CEP164: variants seen among roughly 807,000 people sequenced by gnomAD.
CEP164 encodes the protein centrosomal protein 164.
A neutral mutation model predicts 182.7 loss-of-function variants in CEP164; 162 were observed. That is an observed-to-expected ratio of 0.89 (90% CI 0.78 to 1.01). The LOEUF is 1.01. Ranked by LOEUF, CEP164 falls within the 50% of genes least tolerant of loss-of-function variation. The pLI is 0.00. For missense variants in CEP164, 1,735 were observed against 1,790.4 expected (o/e 0.97, Z 0.56); for synonymous variants, 661 against 690.0 (o/e 0.96, Z 0.66).
chr11:117,322,208 C>T (rs543370901), intron 1 of CEP164, among the ~76,000 whole-genome samples: 1 of 152,208 alleles, frequency 6.6e-6, no homozygotes, highest in South Asian at 2.1e-4. Context: ...CTCCACCTCC[C>T]AGGTTCAAGG....
intron 3 of CEP164, among the ~76,000 whole-genome samples, chr11:117,339,522 G>GTTTTTTTT (rs61258101): frequency 4.3e-4 from 24 of 56,184 alleles, no homozygotes; most frequent in South Asian, 8.1e-4. Context: ...TTTGTTTTTT[G>GTTTTTTTT]TTTTTTTTTT....
At chr11:117,335,158 T>C (rs746395040) in intron 1 of CEP164, among the ~76,000 whole-genome samples, 6 of 152,206 alleles carry the variant, frequency 3.9e-5, no homozygotes, top group Non-Finnish European at 8.8e-5. Context: ...CTCAGCTTTT[T>C]AGTCAGCAGT....
chr11:117,333,444 C>T (rs961396748), intron 1 of CEP164, among the ~76,000 whole-genome samples: 64 of 152,350 alleles, frequency 4.2e-4, no homozygotes, highest in African/African-American at 1.5e-3. Context: ...TCTTTCCAAT[C>T]TGGCCTCCGC....
At position 117,371,093 on chromosome 11, in the gene CEP164, C is replaced by A. The variant is rs776372232; in HGVS notation, c.779C>A (p.Thr260Lys). 41 of 1,595,292 alleles carry A rather than the reference C, an allele frequency of 2.6e-5. No individual in the cohort carries two copies. Among genetic ancestry groups the A allele is most frequent in the African/African-American group, 8.1e-5 (6 of 74,228 alleles). The change falls in exon 9 of 33, where the codon ACA becomes AAA. Residue 260 changes from threonine to lysine, a missense_variant. Transcript: ENST00000278935. ...GTTGCTCCCTAGGAGTCTCTGAGAACAAGCCAGCCAGAGGAGAAGAAGGAT... is the reference window on the plus strand; with the variant it reads ...GTTGCTCCCTAGGAGTCTCTGAGAAAAAGCCAGCCAGAGGAGAAGAAGGAT... ...GDFEYEESLR[T>K]SQPEEKKDVS... is the part of the protein sequence containing the mutation.
At chr11:117,336,649 A>C in intron 2 of CEP164, 1 of 1,054,422 alleles carries the variant, frequency 9.5e-7, no homozygotes, top group Non-Finnish European at 1.5e-6. Flanking sequence ...TGTGTCCTCC[A>C]GCCTTTCCAC....
At chr11:117,330,948 C>G (rs536169055) in intron 1 of CEP164, among the ~76,000 whole-genome samples, 7 of 152,198 alleles carry the variant, frequency 4.6e-5, no homozygotes, top group Non-Finnish European at 8.8e-5. Context: ...GGATTGAAAG[C>G]CAAGAATGTT....
At chr11:117,336,804 T>C (rs1031740018) in intron 2 of CEP164, among the ~76,000 whole-genome samples, 43 of 151,950 alleles carry the variant, frequency 2.8e-4, no homozygotes, top group African/African-American at 1.0e-3. Context: ...AGGTCAGGAC[T>C]TGTGGCTCCA....
At chr11:117,352,921 A>C (rs1054015098) in intron 5 of CEP164, among the ~76,000 whole-genome samples, 13 of 152,174 alleles carry the variant, frequency 8.5e-5, no homozygotes, top group African/African-American at 2.9e-4. Context: ...TTTGTATTTC[A>C]GTTCAAAGTG....
At chr11:117,376,491 A>G (rs545159159) in intron 11 of CEP164, among the ~76,000 whole-genome samples, 1 of 152,362 alleles carries the variant, frequency 6.6e-6, no homozygotes, top group East Asian at 1.9e-4. Flanking sequence ...TGGATTGGTT[A>G]GAAGAGCAGT....
Position 117,365,095 on chromosome 11 carries a change from G to A in CEP164, c.765+1589G>A, listed in dbSNP as rs2041467330. 2.0e-5 allele frequency among the ~76,000 whole-genome samples: 3 copies of A among 152,208 alleles called. No homozygotes were observed. In the South Asian group the frequency reaches 6.2e-4, roughly 32 times the overall value. On this transcript the variant is annotated intron_variant, in intron 8 of 32. Coordinates refer to ENST00000278935, the MANE Select transcript of CEP164 (RefSeq NM_014956.5). ...AGTAAGACCTATATTGATCAAAGGA[G>A]ATGCTCAGGCTTTGTGCCTAGAAGG... is the stretch of plus-strand genomic sequence containing the variant.
chr11:117,379,029 AG>A (rs1250074838), intron 11 of CEP164, among the ~76,000 whole-genome samples: 1 of 152,078 alleles, frequency 6.6e-6, no homozygotes, highest in Non-Finnish European at 1.5e-5. Context: ...CAGGTGAGAG[AG>A]GGAGATATTT....
chr11:117,409,884 G>C lies in CEP164; in HGVS notation c.4015G>C (p.Gly1339Arg). 1.2e-6 allele frequency: 2 copies of C among 1,608,964 alleles called. No individual in the cohort carries two copies. The highest frequency in any genetic ancestry group is 1.7e-6 in the Non-Finnish European group (2 of 1,179,528). ...PTSTQWAWDS[G>R]QGPRLPSSVA... Reference sequence around the variant, plus strand: ...GTCCACCCAATGGGCCTGGGATTCAGGGCAGGGGCCCAGGCTCCCCTCCTC... The same window carrying C: ...GTCCACCCAATGGGCCTGGGATTCACGGCAGGGGCCCAGGCTCCCCTCCTC... Residue 1339 changes from glycine (G) to arginine (R), a missense_variant, in exon 30 of 33, where the codon GGG becomes CGG. Gly to Arg is a moderately radical substitution (Grantham distance 125). Transcript: ENST00000278935. The surrounding 1 kb of genome is among the most constrained non-coding windows in gnomAD (Gnocchi z 4.4).
chr11:117,339,866 G>A (rs2135112260), intron 3 of CEP164, among the ~76,000 whole-genome samples: 1 of 152,094 alleles, frequency 6.6e-6, no homozygotes, highest in South Asian at 2.1e-4. Context: ...GCAACTCCAT[G>A]AGTTAGGTAC....
Position 117,356,023 on chromosome 11 carries a change from C to T in CEP164, c.393+4035C>T, listed in dbSNP as rs551946692. On this transcript the variant is annotated intron_variant, in intron 5 of 32. Coordinates refer to ENST00000278935, the MANE Select transcript of CEP164 (RefSeq NM_014956.5). ...AGAGCAGCAGCAGCAGCAGCAGCAA[C>T]AGCAACCTGGCCTCACACCTGGGCT... 7.5e-5 allele frequency: 85 copies of T among 1,140,338 alleles called. 3 individuals carry two copies. In the South Asian group the frequency reaches 1.6e-3, roughly 21 times the overall value. 70.6% of individuals were successfully genotyped at this position (1,140,338 alleles called of 1,614,324 possible). A position where few individuals can be genotyped will look rare whatever the true frequency, so the allele number is the denominator to read the frequency against.
In CEP164 at chr11:117,351,989, G is replaced by T. The variant is rs2039695557; in HGVS notation, c.393+1G>T. The stretch of plus-strand genomic sequence containing the variant: ...CAGAGACCCCCCCAAAAGTTCGCTG[G>T]TGAGTCAGTGGATGCCTCCTCCCAG... On this transcript the variant is annotated splice_donor_variant, in intron 5 of 32. Coordinates refer to ENST00000278935, the MANE Select transcript of CEP164 (RefSeq NM_014956.5). LOFTEE classifies it high-confidence loss of function. 1 of 1,565,174 alleles carries T rather than the reference G, an allele frequency of 6.4e-7. No homozygotes were observed. Among genetic ancestry groups the T allele is most frequent in the Non-Finnish European group, 8.7e-7 (1 of 1,154,580 alleles).
At chr11:117,388,030 C>T (rs1014926956) in intron 15 of CEP164, among the ~76,000 whole-genome samples, 1 of 152,196 alleles carries the variant, frequency 6.6e-6, no homozygotes, top group African/African-American at 2.4e-5. Flanking sequence ...AAAGAACAGA[C>T]ACCTCCAACC....
At chr11:117,356,414 A>G in intron 5 of CEP164, 1 of 1,229,314 alleles carries the variant, frequency 8.1e-7, no homozygotes, top group Non-Finnish European at 1.0e-6. Flanking sequence ...CATCAGAGTC[A>G]TGGAGAGGGA....
At position 117,407,941 on chromosome 11, in the gene CEP164, A is replaced by G. The variant is rs779704905; in HGVS notation, c.3518A>G (p.Asp1173Gly). ...TGGCTGCAGGAGACCAGGCACCTGG[A>G]TGAGATGAAGTCGGCCATGCGGAAA... is the stretch of plus-strand genomic sequence containing the variant. ...KNLEKETRHL[D>G]EMKSAMRKGH... Residue 1173 changes from aspartate to glycine, a missense_variant, in exon 28 of 33, where the codon GAT becomes GGT. Physicochemically the swap from Asp to Gly is moderately conservative, Grantham distance 94 (BLOSUM62 -1). Coordinates refer to ENST00000278935, the MANE Select transcript of CEP164 (RefSeq NM_014956.5). 1.6e-5 allele frequency: 26 copies of G among 1,596,382 alleles called. No homozygotes were observed. Among genetic ancestry groups the G allele is most frequent in the Non-Finnish European group, 2.2e-5 (26 of 1,171,354 alleles).
intron 9 of CEP164, among the ~76,000 whole-genome samples, chr11:117,372,427 T>C (rs938731058): frequency 2.7e-5 from 4 of 150,920 alleles, no homozygotes; most frequent in Admixed American, 6.6e-5. Context: ...GTACTTCTTT[T>C]TTTTTTTGAG....
Sources: gnomAD v4.1 joint callset for allele counts (sites outside exome capture counted in the v4.1 genomes callset) on GRCh38, gnomAD v4.1.1 for gene constraint, Gnocchi (gnomAD v3.1) non-coding constraint, MANE v1.5 for transcripts, NCBI Gene and HGNC (gene_info 2026-07-23, HGNC 2026-07-21) for gene names.